TYW1: variants seen among roughly 807,000 people sequenced by gnomAD.
TYW1 encodes the protein tRNA-yW synthesizing protein 1 homolog, also known as S-adenosyl-L-methionine-dependent tRNA 4-demethylwyosine synthase TYW1.
Under a neutral mutation model 96.2 loss-of-function variants are expected in TYW1, and 46 were observed. The observed-to-expected ratio is 0.48, with a 90% CI of 0.38 to 0.61. TYW1 has a LOEUF of 0.61. Among genes scored for constraint, TYW1 ranks in the 20% least tolerant of loss-of-function variants. The pLI, the probability that TYW1 is intolerant of heterozygous loss-of-function variation, is 0.00. For missense variants in TYW1, 684 were observed against 909.6 expected (o/e 0.75, Z 3.19); for synonymous variants, 274 against 323.0 (o/e 0.85, Z 1.63).
chr7:67,160,741 G>A (rs1433559542), intron 13 of TYW1, among the ~76,000 whole-genome samples: 1 of 151,424 alleles, frequency 6.6e-6, no homozygotes, highest in Non-Finnish European at 1.5e-5. Context: ...ATAGGTGCCT[G>A]CCACCATGCC....
In TYW1 at chr7:67,117,477, A is replaced by G. The variant is rs988778495; in HGVS notation, c.1563-6A>G. On this transcript the variant is annotated splice_polypyrimidine_tract_variant and splice_region_variant and intron_variant, in intron 12 of 15. Transcript: ENST00000359626. ...TCTTTCTTCTTTTAAAAAAAATATTACTAAGGAACCTCGAGCCGGTTACTC... is the reference window on the plus strand; with the variant it reads ...TCTTTCTTCTTTTAAAAAAAATATTGCTAAGGAACCTCGAGCCGGTTACTC... 2 of 1,590,176 alleles carry G rather than the reference A, an allele frequency of 1.3e-6. No homozygotes were observed. The highest frequency in any genetic ancestry group is 1.7e-6 in the Non-Finnish European group (2 of 1,174,090).
chr7:67,151,051 CTTT>C (rs77369502), intron 13 of TYW1, among the ~76,000 whole-genome samples: 7 of 142,716 alleles, frequency 4.9e-5, no homozygotes, highest in Non-Finnish European at 3.0e-5. Context: ...TATTCTTCTT[CTTT>C]TTTTTTTTTT....
intron 15 of TYW1, among the ~76,000 whole-genome samples, chr7:67,206,692 A>G (rs1800812638): frequency 6.6e-6 from 1 of 152,104 alleles, no homozygotes; most frequent in South Asian, 2.1e-4. Context: ...TAACTAAAAG[A>G]CAAGGGAAAG....
At chr7:67,134,456 C>T (rs1345867886) in intron 13 of TYW1, among the ~76,000 whole-genome samples, 6 of 151,836 alleles carry the variant, frequency 4.0e-5, no homozygotes, top group Admixed American at 1.3e-4. Flanking sequence ...GCAGGAGAAT[C>T]GCTTGAACCC....
At chr7:67,039,802 A>G (rs538035270) in intron 7 of TYW1, among the ~76,000 whole-genome samples, 47 of 150,166 alleles carry the variant, frequency 3.1e-4, no homozygotes, top group Non-Finnish European at 5.3e-4. Flanking sequence ...AGCTGGGACT[A>G]CAGGTACGTG....
intron 15 of TYW1, among the ~76,000 whole-genome samples, chr7:67,220,011 A>T: frequency 6.6e-6 from 1 of 150,378 alleles, no homozygotes; most frequent in Admixed American, 6.6e-5. Context: ...GTTTATAGCT[A>T]TAAGTTCTTA....
intron 10 of TYW1, among the ~76,000 whole-genome samples, chr7:67,083,201 G>A (rs13307478): frequency 1.3e-5 from 2 of 152,194 alleles, no homozygotes; most frequent in Non-Finnish European, 2.9e-5. Flanking sequence ...AATTGAGTGA[G>A]TTAGGTGCCC....
At chr7:67,220,439 G>C (rs566412638) in intron 15 of TYW1, among the ~76,000 whole-genome samples, 2,368 of 152,094 alleles carry the variant, frequency 0.016, 31 homozygotes, top group Admixed American at 0.044. Context: ...TCCTGACCTC[G>C]TGATCCGCCT....
intron 13 of TYW1, among the ~76,000 whole-genome samples, chr7:67,170,581 G>T (rs1207720920): frequency 1.3e-5 from 2 of 152,136 alleles, no homozygotes; most frequent in Non-Finnish European, 2.9e-5. Flanking sequence ...TTACAGTCTT[G>T]TGTAATTATC....
At chr7:67,190,863 T>C (rs1800183466) in intron 14 of TYW1, among the ~76,000 whole-genome samples, 1 of 152,256 alleles carries the variant, frequency 6.6e-6, no homozygotes, top group Non-Finnish European at 1.5e-5. Flanking sequence ...GACACCCAGT[T>C]GGTTTAATTA....
At chr7:67,109,735 C>T (rs1366895966) in intron 12 of TYW1, among the ~76,000 whole-genome samples, 1 of 152,066 alleles carries the variant, frequency 6.6e-6, no homozygotes, top group Non-Finnish European at 1.5e-5. Context: ...CAAAAATTAG[C>T]CGGGTGTGGT....
At chr7:67,125,778 T>C (rs1385480571) in intron 13 of TYW1, among the ~76,000 whole-genome samples, 1 of 152,236 alleles carries the variant, frequency 6.6e-6, no homozygotes, top group Non-Finnish European at 1.5e-5. Context: ...ACTGTCTGCG[T>C]AGCTTTGCCT....
chr7:67,062,185 C>T (rs777354183), intron 9 of TYW1, among the ~76,000 whole-genome samples: 19 of 151,764 alleles, frequency 1.3e-4, no homozygotes, highest in African/African-American at 1.9e-4. Context: ...CTGAGGTGGG[C>T]GGATCATGAG....
intron 13 of TYW1, among the ~76,000 whole-genome samples, chr7:67,128,092 T>TG (rs1797957996): frequency 6.6e-6 from 1 of 152,216 alleles, no homozygotes; most frequent in Non-Finnish European, 1.5e-5. Context: ...GACATTAACA[T>TG]GGGGAAATCC....
At chr7:67,223,232 G>A (rs1413265879) in intron 15 of TYW1, among the ~76,000 whole-genome samples, 2 of 152,118 alleles carry the variant, frequency 1.3e-5, no homozygotes, top group Admixed American at 1.3e-4. Context: ...GTATATCACT[G>A]TTTCTTTGTG....
At chr7:67,073,767 CAAAAAAAAAAAAAA>C (rs71526599) in intron 10 of TYW1, among the ~76,000 whole-genome samples, 3 of 42,330 alleles carry the variant, frequency 7.1e-5, no homozygotes, top group South Asian at 1.2e-3. Flanking sequence ...CGAGACTCTT[CAAAAAAAAAAAAAA>C]AAAAAAAAAA....
At chr7:67,238,174 T>A (rs1801952922) in intron 15 of TYW1, 134 bp from the exon 16 acceptor site, 3 of 1,332,026 alleles carry the variant, frequency 2.3e-6, no homozygotes, top group Non-Finnish European at 3.0e-6. Flanking sequence ...GAGGTTTTTT[T>A]GTGTTTGTTT....
intron 11 of TYW1, among the ~76,000 whole-genome samples, chr7:67,084,055 A>C (rs1283128860): frequency 6.6e-6 from 1 of 152,204 alleles, no homozygotes; most frequent in Admixed American, 6.5e-5. Flanking sequence ...TAAATAAATA[A>C]AAAGTTTAGC....
chr7:67,164,626 G>T (rs28729948), intron 13 of TYW1, among the ~76,000 whole-genome samples: 41,373 of 146,746 alleles, frequency 0.28, 6,301 homozygotes, highest in African/African-American at 0.4. Context: ...AAAAAAAAAA[G>T]TTACCCCTTG....
Sources: gnomAD v4.1 joint callset for allele counts (sites outside exome capture counted in the v4.1 genomes callset) on GRCh38, gnomAD v4.1.1 for gene constraint, MANE v1.5 for transcripts, NCBI Gene and HGNC (gene_info 2026-07-23, HGNC 2026-07-21) for gene names.